Variants in ZNF91 observed in about 807,000 individuals in gnomAD.
ZNF91 encodes the protein zinc finger protein 91 (HPF7, HTF10).
A neutral mutation model predicts 12.6 loss-of-function variants in ZNF91; 7 were observed. The ratio of observed to expected loss-of-function variants is 0.55; its 90% confidence interval spans 0.31 to 1.04. ZNF91 has a LOEUF of 1.04. Among genes scored for constraint, ZNF91 ranks in the 50% least tolerant of loss-of-function variants. The pLI, the probability that ZNF91 is intolerant of heterozygous loss-of-function variation, is 0.05. For synonymous variants in ZNF91, 453 were observed against 462.6 expected, an observed-to-expected ratio of 0.98 and a Z score of 0.27; for missense variants, 1,217 against 1,385.4, an observed-to-expected ratio of 0.88 and a Z score of 1.93.
intron 2 of ZNF91, among the ~76,000 whole-genome samples, chr19:23,374,388 C>CA (rs34706703): frequency 0.18 from 15,566 of 88,168 alleles, 1,431 homozygotes; most frequent in East Asian, 0.42. Context: ...CTAAAAATAC[C>CA]AAAAAAAAAA....
chr19:23,321,441 T>A (rs543468309), intron 1 of ZNF91, among the ~76,000 whole-genome samples: 4 of 151,950 alleles, frequency 2.6e-5, no homozygotes, highest in African/African-American at 9.6e-5. Context: ...AAAAGGGGAT[T>A]GTGATATCTC....
intron 3 of ZNF91, among the ~76,000 whole-genome samples, chr19:23,366,490 T>C (rs1158580786): frequency 6.6e-6 from 1 of 152,210 alleles, no homozygotes; most frequent in African/African-American, 2.4e-5. Flanking sequence ...ATTCTGCATA[T>C]AGAGGAATAC....
chr19:23,362,842 A>C (rs2145064007), intron 3 of ZNF91, 117 bp from the exon 4 acceptor site: 1 of 1,241,702 alleles, frequency 8.1e-7, no homozygotes. Flanking sequence ...TGGCACTGCA[A>C]AATACCACAG....
At position 23,358,274 on chromosome 19, in the gene ZNF91, AAACTT is replaced by A. The variant is rs1968548446; in HGVS notation, c.*1124_*1128del. 1 of 152,174 alleles carries A rather than the reference AAACTT, an allele frequency of 6.6e-6. No individual in the cohort carries two copies. The highest frequency in any genetic ancestry group is 1.5e-5 in the Non-Finnish European group (1 of 68,008). The allele number at this position is 152,174 out of a possible 1,614,324, so 9.4% of individuals were successfully genotyped here. On this transcript the variant is annotated 3_prime_UTR_variant, in exon 4 of 4. Coordinates refer to ENST00000300619, the MANE Select transcript of ZNF91 (RefSeq NM_003430.4). ...TCATAAAAATACAATAAATCATACTAAACTTTAACTAAAATTAAGAATGTTTTTCT... is the reference window on the plus strand; with the variant it reads ...TCATAAAAATACAATAAATCATACTATAACTAAAATTAAGAATGTTTTTCT...
At chr19:23,384,661 G>A in intron 1 of ZNF91, 1 of 580,348 alleles carries the variant, frequency 1.7e-6, no homozygotes, top group Non-Finnish European at 3.0e-6. Context: ...ATCCAAATCG[G>A]CAAAGAGGGC....
chr19:23,321,610 G>A (rs1967697411), intron 1 of ZNF91, among the ~76,000 whole-genome samples: 1 of 151,996 alleles, frequency 6.6e-6, no homozygotes, highest in African/African-American at 2.4e-5. Flanking sequence ...GCTCCAAGAT[G>A]TTACTCATTT....
intron 3 of ZNF91, chr19:23,342,158 A>G: frequency 2.1e-6 from 1 of 468,312 alleles, no homozygotes; most frequent in Admixed American, 3.2e-5. Flanking sequence ...TGCTTCATTC[A>G]TGCTTACCTA....
At chr19:23,369,203 A>G (rs1452243052) in intron 3 of ZNF91, among the ~76,000 whole-genome samples, 4 of 152,020 alleles carry the variant, frequency 2.6e-5, no homozygotes, top group East Asian at 3.9e-4. Context: ...CCAGCTAGTC[A>G]GGAGGCTGAG....
intron 1 of ZNF91, among the ~76,000 whole-genome samples, chr19:23,333,339 G>A (rs1188426941): frequency 6.6e-6 from 1 of 152,148 alleles, no homozygotes; most frequent in Non-Finnish European, 1.5e-5. Flanking sequence ...TTTGCATTGG[G>A]GTGATCCTAA....
At chr19:23,315,393 C>T (rs540181907), upstream of ZNF91, among the ~76,000 whole-genome samples, 29 of 152,304 alleles carry the variant, frequency 1.9e-4, 1 homozygote, top group African/African-American at 7.0e-4. Flanking sequence ...AGTGACGTAT[C>T]TCTGGGCCAA....
intron 1 of ZNF91, among the ~76,000 whole-genome samples, chr19:23,386,127 A>G (rs1414846638): frequency 1.3e-5 from 2 of 152,290 alleles, no homozygotes; most frequent in African/African-American, 2.4e-5. Flanking sequence ...AAAGATCTCT[A>G]TAAGAATTAC....
intron 3 of ZNF91, among the ~76,000 whole-genome samples, chr19:23,366,831 A>G (rs1277773572): frequency 6.6e-6 from 1 of 152,242 alleles, no homozygotes; most frequent in East Asian, 1.9e-4. Flanking sequence ...AACATCAAGA[A>G]TTACATTGCA....
At chr19:23,314,266 C>G (rs1967515598), upstream of ZNF91, among the ~76,000 whole-genome samples, 1 of 152,116 alleles carries the variant, frequency 6.6e-6, no homozygotes, top group Non-Finnish European at 1.5e-5. Context: ...ATGTTATTCT[C>G]CTCTCTTACT....
chr19:23,318,405 T>C (rs1440827119), intron 1 of ZNF91, among the ~76,000 whole-genome samples: 2 of 152,178 alleles, frequency 1.3e-5, no homozygotes, highest in Non-Finnish European at 2.9e-5. Context: ...TGAGTTGATG[T>C]GACTCTTCTA....
rs372804087 is a variant in ZNF91, at chr19:23,362,398, C to T, written c.581G>A (p.Arg194His). The T allele has an allele frequency of 3.2e-5, 52 of 1,613,808 alleles. No homozygotes were observed. The highest frequency in any genetic ancestry group is 1.6e-4 in the Middle Eastern group (1 of 6,080). The change falls in exon 4 of 4, where the codon CGT becomes CAT. Residue 194 changes from arginine (R) to histidine (H), a missense_variant. Physicochemically the swap from Arg to His is conservative, Grantham distance 29. Coordinates refer to ENST00000300619, the MANE Select transcript of ZNF91 (RefSeq NM_003430.4). ...GCATTTATGTTGGGTTTTGTGTAAA[C>T]GGATGCAAAATGACTTGACACATTT... ...CKKCVKSFCI[R>H]LHKTQHKCVY...
At chr19:23,316,778 T>A (rs1219958958) in intron 1 of ZNF91, among the ~76,000 whole-genome samples, 1 of 152,120 alleles carries the variant, frequency 6.6e-6, no homozygotes, top group Non-Finnish European at 1.5e-5. Context: ...TTATAGAAAA[T>A]TACCACTTTC....
At chr19:23,311,639 T>C (rs1967473537), upstream of ZNF91, among the ~76,000 whole-genome samples, 1 of 152,098 alleles carries the variant, frequency 6.6e-6, no homozygotes, top group African/African-American at 2.4e-5. Flanking sequence ...TCTACATCTA[T>C]CATTTAGGAA....
chr19:23,351,533 G>A (rs561263030), intron 3 of ZNF91, among the ~76,000 whole-genome samples: 14 of 152,176 alleles, frequency 9.2e-5, no homozygotes, highest in African/African-American at 3.4e-4. Flanking sequence ...AATCTTGTTA[G>A]GCAAAAGCAT....
chr19:23,364,148 G>A (rs752092109), intron 3 of ZNF91, among the ~76,000 whole-genome samples: 14 of 152,142 alleles, frequency 9.2e-5, no homozygotes, highest in African/African-American at 2.7e-4. Flanking sequence ...GTGAAACCCC[G>A]TCTCTACTAA....
Sources: gnomAD v4.1 joint callset for allele counts (sites outside exome capture counted in the v4.1 genomes callset) on GRCh38, gnomAD v4.1.1 for gene constraint, MANE v1.5 for transcripts, NCBI Gene and HGNC (gene_info 2026-07-23, HGNC 2026-07-21) for gene names.